Variants in LSAMP observed in about 807,000 individuals in gnomAD.
LSAMP encodes the protein limbic system-associated membrane protein.
LSAMP carries 7 observed loss-of-function variants against 38.6 expected under a neutral mutation model. That is an observed-to-expected ratio of 0.18 (90% CI 0.10 to 0.34). LSAMP has a LOEUF of 0.34. Among genes scored for constraint, LSAMP ranks in the 10% least tolerant of loss-of-function variants. The probability of loss-of-function intolerance (pLI) is 1.00; values close to 1 mark genes in which losing one functional copy is unlikely to be tolerated. For synonymous variants in LSAMP, 154 were observed against 166.8 expected, an observed-to-expected ratio of 0.92 and a Z score of 0.59; for missense variants, 313 against 420.0, an observed-to-expected ratio of 0.75 and a Z score of 2.23.
intron 1 of LSAMP, among the ~76,000 whole-genome samples, chr3:116,421,734 C>T (rs1364133904): frequency 1.3e-5 from 2 of 152,076 alleles, no homozygotes; most frequent in African/African-American, 4.8e-5. Flanking sequence ...AATGAGACAT[C>T]ACTACACAGT....
At position 116,221,651 on chromosome 3, in the gene LSAMP, T is replaced by C. The variant is rs564240908; in HGVS notation, c.156-135095A>G. 2.8e-4 allele frequency among the ~76,000 whole-genome samples: 42 copies of C among 152,334 alleles called. No homozygotes were observed. The South Asian group carries it at 3.5e-3, about 13-fold the overall frequency. ...CAGAACCTTCATGAACACAGATTCT[T>C]ACACATACCATTGATATATGCAATA... On this transcript the variant is annotated intron_variant, in intron 1 of 6. Transcript: ENST00000490035.
intron 6 of LSAMP, among the ~76,000 whole-genome samples, chr3:115,812,921 GA>G (rs1465124617): frequency 6.6e-6 from 1 of 151,912 alleles, no homozygotes; most frequent in East Asian, 1.9e-4. Context: ...TTCCATTATT[GA>G]AAAATATGTT....
At chr3:116,193,124 T>C (rs1710792698) in intron 1 of LSAMP, among the ~76,000 whole-genome samples, 1 of 152,218 alleles carries the variant, frequency 6.6e-6, no homozygotes, top group Non-Finnish European at 1.5e-5. Flanking sequence ...AAACTTACTA[T>C]GTCCTCCCTA....
chr3:116,216,642 A>C (rs1276751261), intron 1 of LSAMP, among the ~76,000 whole-genome samples: 2 of 152,218 alleles, frequency 1.3e-5, no homozygotes, highest in African/African-American at 4.8e-5. Context: ...TTAGGAAAAA[A>C]AACTAGCAGG....
At chr3:116,229,370 C>G (rs563206873) in intron 1 of LSAMP, among the ~76,000 whole-genome samples, 1 of 152,050 alleles carries the variant, frequency 6.6e-6, no homozygotes, top group East Asian at 1.9e-4. Flanking sequence ...TGTTGATAGG[C>G]TAGAGATGAA....
rs1708489380 is a variant in LSAMP at position 116,107,269 on chromosome 3, CG to C, written c.156-20714del. 2.0e-5 allele frequency among the ~76,000 whole-genome samples: 3 copies of C among 152,084 alleles called. No homozygotes were observed. The South Asian group carries it at 6.2e-4, about 32-fold the overall frequency. On this transcript the variant is annotated intron_variant, in intron 1 of 6. Coordinates refer to ENST00000490035, the MANE Select transcript of LSAMP (RefSeq NM_002338.5). ...GAAGAGTGAGTACAGCTGAAGGAGC[CG>C]GGGAGCAGAAAAGTATATGCGTCAG... is the stretch of plus-strand genomic sequence containing the variant.
In LSAMP at chr3:116,241,238, A is replaced by G. The variant is rs535327537; in HGVS notation, c.156-154682T>C. Among the ~76,000 whole-genome samples the G allele has an allele frequency of 5.2e-4, 79 of 150,514 alleles. 1 individual carries two copies. On this transcript the variant is annotated intron_variant, in intron 1 of 6. Coordinates refer to ENST00000490035, the MANE Select transcript of LSAMP (RefSeq NM_002338.5). ...TTTTTTCTCTTTTGCTTCCTGTCCA[A>G]GGTTTCATGTAGACCACCCTTTCTG...
intron 3 of LSAMP, among the ~76,000 whole-genome samples, chr3:115,952,215 G>T (rs1333111730): frequency 6.6e-6 from 1 of 152,188 alleles, no homozygotes; most frequent in African/African-American, 2.4e-5. Flanking sequence ...CCCACTACTG[G>T]GTATCTACCC....
chr3:116,251,466 G>A (rs529964490), intron 1 of LSAMP, among the ~76,000 whole-genome samples: 17 of 152,284 alleles, frequency 1.1e-4, no homozygotes, highest in Admixed American at 3.9e-4. Flanking sequence ...TACCCATAAC[G>A]TTAATCACAA....
intron 1 of LSAMP, among the ~76,000 whole-genome samples, chr3:116,317,115 T>A (rs1260447376): frequency 6.6e-6 from 1 of 152,098 alleles, no homozygotes; most frequent in African/African-American, 2.4e-5. Context: ...GGAATAAAGT[T>A]GGCCATCCCC....
At chr3:116,133,263 T>C (rs1026264652) in intron 1 of LSAMP, among the ~76,000 whole-genome samples, 1 of 151,642 alleles carries the variant, frequency 6.6e-6, no homozygotes, top group African/African-American at 2.4e-5. Context: ...TTTTTTTTTG[T>C]TGTTGTTGTT....
chr3:116,156,540 C>G (rs1553708568), intron 1 of LSAMP, among the ~76,000 whole-genome samples: 1 of 152,036 alleles, frequency 6.6e-6, no homozygotes, highest in Non-Finnish European at 1.5e-5. Context: ...GATATTGCTA[C>G]TAAATGGTAT....
At chr3:115,859,415 G>C (rs114364274) in intron 3 of LSAMP, among the ~76,000 whole-genome samples, 3,964 of 152,176 alleles carry the variant, frequency 0.026, 73 homozygotes, top group Non-Finnish European at 0.037. Flanking sequence ...TTAGGGAAGA[G>C]TTGGAGGAAT....
chr3:116,248,596 T>C (rs2046634291), intron 1 of LSAMP, among the ~76,000 whole-genome samples: 1 of 150,882 alleles, frequency 6.6e-6, no homozygotes, highest in South Asian at 2.1e-4. Context: ...AATGTTAGCT[T>C]GACCTGTCAA....
intron 1 of LSAMP, among the ~76,000 whole-genome samples, chr3:116,105,153 GAT>G (rs1292502825): frequency 6.7e-6 from 1 of 148,562 alleles, no homozygotes; most frequent in East Asian, 2.0e-4. Flanking sequence ...CTACAGAAGA[GAT>G]ATTTTTCAGT....
At chr3:116,221,150 CAAAAAAA>C (rs71141862) in intron 1 of LSAMP, among the ~76,000 whole-genome samples, 1 of 53,184 alleles carries the variant, frequency 1.9e-5, no homozygotes, top group Non-Finnish European at 3.2e-5. Context: ...GACTCTGTCT[CAAAAAAA>C]AAAAAAAAAA....
chr3:116,263,465 G>A lies in LSAMP; in HGVS notation c.156-176909C>T, dbSNP rs189773997. On this transcript the variant is annotated intron_variant, in intron 1 of 6. Transcript: ENST00000490035. ...AGGCACGAGAATGGCTTGAACTTGC[G>A]AGGCAGAGGTTGCAGCCAGCCAAGA... 6.5e-4 allele frequency among the ~76,000 whole-genome samples: 99 copies of A among 151,604 alleles called. 1 individual carries two copies. The highest frequency in any genetic ancestry group is 2.1e-3 in the African/African-American group (88 of 41,296).
chr3:116,153,315 C>T (rs1373979069), intron 1 of LSAMP, among the ~76,000 whole-genome samples: 2 of 152,090 alleles, frequency 1.3e-5, no homozygotes, highest in Non-Finnish European at 2.9e-5. Flanking sequence ...ACGTGACATC[C>T]ATGATTCAAG....
chr3:116,352,892 T>G (rs2048161621), intron 1 of LSAMP, among the ~76,000 whole-genome samples: 1 of 152,096 alleles, frequency 6.6e-6, no homozygotes. Context: ...TATAGCTGTA[T>G]AGTTTGTTCC....
Sources: allele counts gnomAD v4.1 joint callset (sites outside exome capture counted in the v4.1 genomes callset), GRCh38; gene constraint gnomAD v4.1.1; transcripts MANE v1.5; gene names NCBI Gene and HGNC (gene_info 2026-07-23, HGNC 2026-07-21).